Variants in GRIN2A observed in about 807,000 individuals in gnomAD.
GRIN2A encodes glutamate receptor ionotropic, NMDA 2A.
In GRIN2A, 22 loss-of-function variants were observed where a neutral mutation model predicts 113.4. The ratio of observed to expected loss-of-function variants is 0.19; its 90% confidence interval spans 0.14 to 0.28. The LOEUF (loss-of-function observed/expected upper bound fraction) is 0.28, where lower values mean the gene tolerates loss of function less well. GRIN2A is among the 10% of genes least tolerant of loss of function. The pLI, the probability that GRIN2A is intolerant of heterozygous loss-of-function variation, is 1.00. For synonymous variants in GRIN2A, 827 were observed against 738.4 expected, an observed-to-expected ratio of 1.12 and a Z score of -1.94; for missense variants, 1,502 against 1,887.0, an observed-to-expected ratio of 0.80 and a Z score of 3.78.
chr16:10,133,751 G>C (rs769288947), intron 2 of GRIN2A, among the ~76,000 whole-genome samples: 2 of 152,176 alleles, frequency 1.3e-5, no homozygotes, highest in African/African-American at 2.4e-5. Context: ...CTGTGGACCT[G>C]TAAAACTAGA....
rs150969561 is a variant in GRIN2A at position 9,941,614 on chromosome 16, T to G, written c.415-3063A>C. ...CCTCTCTGCAGAAAATGGAGAATAC[T>G]AGAACCTCTGGGGTTGGACTACCCA... On this transcript the variant is annotated intron_variant, in intron 2 of 12. Transcript: ENST00000330684. 4.4e-3 allele frequency among the ~76,000 whole-genome samples: 667 copies of G among 152,246 alleles called. 2 individuals are homozygous for G. The highest frequency in any genetic ancestry group is 0.014 in the African/African-American group (568 of 41,550).
intron 4 of GRIN2A, among the ~76,000 whole-genome samples, chr16:9,861,174 A>G (rs1269999633): frequency 1.3e-5 from 2 of 152,150 alleles, no homozygotes; most frequent in African/African-American, 4.8e-5. Flanking sequence ...AAACAAACAC[A>G]TTGAGCTTGC....
chr16:10,025,823 C>T (rs995871083), intron 2 of GRIN2A, among the ~76,000 whole-genome samples: 1 of 152,112 alleles, frequency 6.6e-6, no homozygotes, highest in Non-Finnish European at 1.5e-5. Context: ...AGCCTTGCTT[C>T]AGAGAAATCT....
chr16:10,066,012 T>A (rs193013467), intron 2 of GRIN2A, among the ~76,000 whole-genome samples: 68 of 152,322 alleles, frequency 4.5e-4, no homozygotes, highest in Non-Finnish European at 8.1e-4. Flanking sequence ...TTAGACATCA[T>A]GAATCCAACA....
At chr16:10,028,852 TA>T (rs1486635154) in intron 2 of GRIN2A, among the ~76,000 whole-genome samples, 8 of 152,298 alleles carry the variant, frequency 5.3e-5, no homozygotes, top group Non-Finnish European at 1.0e-4. Flanking sequence ...TGTGTTCCAA[TA>T]AAACTTTATT....
intron 2 of GRIN2A, among the ~76,000 whole-genome samples, chr16:10,114,039 T>G (rs2048678649): frequency 6.6e-6 from 1 of 151,666 alleles, no homozygotes; most frequent in Non-Finnish European, 1.5e-5. Flanking sequence ...AAAAAAAGAT[T>G]TAATTAGCCA....
At chr16:10,126,160 TATA>T (rs2048931247) in intron 2 of GRIN2A, among the ~76,000 whole-genome samples, 2 of 83,282 alleles carry the variant, frequency 2.4e-5, no homozygotes, top group Non-Finnish European at 5.2e-5. Flanking sequence ...GATTTCTTTA[TATA>T]TATATATATT....
intron 2 of GRIN2A, among the ~76,000 whole-genome samples, chr16:9,992,910 T>C (rs535862361): frequency 8.1e-4 from 123 of 152,256 alleles, no homozygotes; most frequent in Non-Finnish European, 1.6e-3. Context: ...TAAACTCTCA[T>C]ATCTAAAAAA....
At chr16:9,772,479 C>T (rs910082454) in intron 11 of GRIN2A, among the ~76,000 whole-genome samples, 1 of 152,174 alleles carries the variant, frequency 6.6e-6, no homozygotes, top group Non-Finnish European at 1.5e-5. Context: ...TCAGGTGATC[C>T]TCCCACCTCA....
chr16:10,147,211 C>T (rs566440144), intron 2 of GRIN2A, among the ~76,000 whole-genome samples: 33 of 152,168 alleles, frequency 2.2e-4, no homozygotes, highest in African/African-American at 7.7e-4. Flanking sequence ...AGGAGCTTAA[C>T]GAGCAGCAAT....
At chr16:9,953,816 G>T (rs2045239180) in intron 2 of GRIN2A, among the ~76,000 whole-genome samples, 1 of 152,160 alleles carries the variant, frequency 6.6e-6, no homozygotes, top group African/African-American at 2.4e-5. Flanking sequence ...GGTGCAGTGA[G>T]ATGTTCACCT....
At chr16:9,903,872 G>T (rs2043980975) in intron 3 of GRIN2A, among the ~76,000 whole-genome samples, 1 of 152,198 alleles carries the variant, frequency 6.6e-6, no homozygotes, top group Admixed American at 6.5e-5. Context: ...AATGTTTGAT[G>T]AAGCTGATAT....
intron 3 of GRIN2A, among the ~76,000 whole-genome samples, chr16:9,912,879 G>A (rs1213201090): frequency 1.3e-5 from 2 of 152,230 alleles, no homozygotes; most frequent in Non-Finnish European, 2.9e-5. Flanking sequence ...AGCAAAAGTG[G>A]ATGGGAGGAT....
intron 2 of GRIN2A, among the ~76,000 whole-genome samples, chr16:10,044,308 G>A (rs560096575): frequency 4.3e-4 from 65 of 151,898 alleles, no homozygotes; most frequent in African/African-American, 1.5e-3. Context: ...CTGGGATTAC[G>A]GGTGTGAGCC....
chr16:9,861,703 C>T (rs996412480), intron 4 of GRIN2A, among the ~76,000 whole-genome samples: 1 of 152,194 alleles, frequency 6.6e-6, no homozygotes, highest in Non-Finnish European at 1.5e-5. Flanking sequence ...CTGCTGAAAT[C>T]AAGCGTCACT....
chr16:9,775,324 G>C (rs1901530966), intron 11 of GRIN2A, among the ~76,000 whole-genome samples: 1 of 152,164 alleles, frequency 6.6e-6, no homozygotes. Context: ...GTCTGGTCAA[G>C]GAAGCTGTTG....
At chr16:9,910,420 G>A (rs538076347) in intron 3 of GRIN2A, among the ~76,000 whole-genome samples, 29 of 151,718 alleles carry the variant, frequency 1.9e-4, no homozygotes, top group Non-Finnish European at 3.7e-4. Context: ...AAGAAAGCAA[G>A]CAGATGGCTG....
chr16:9,864,069 C>A (rs976307813), intron 4 of GRIN2A, among the ~76,000 whole-genome samples: 3 of 152,158 alleles, frequency 2.0e-5, no homozygotes, highest in Non-Finnish European at 4.4e-5. Context: ...TTTTTTAATA[C>A]CTGCATAAAG....
intron 3 of GRIN2A, among the ~76,000 whole-genome samples, chr16:9,898,224 T>C (rs1050872657): frequency 3.3e-5 from 5 of 152,144 alleles, no homozygotes; most frequent in African/African-American, 9.7e-5. Context: ...AAATTTTCCA[T>C]GCAGTTTTCA....
Sources: allele counts gnomAD v4.1 joint callset (sites outside exome capture counted in the v4.1 genomes callset), GRCh38; gene constraint gnomAD v4.1.1; transcripts MANE v1.5; gene names NCBI Gene and HGNC (gene_info 2026-07-23, HGNC 2026-07-21).